The following CNBD2 variants were observed in gnomAD, a reference collection of about 807,000 sequenced individuals.
CNBD2 encodes the protein cyclic nucleotide binding domain containing 2.
CNBD2 carries 64 observed loss-of-function variants against 63.7 expected under a neutral mutation model. The observed-to-expected ratio is 1.00, with a 90% CI of 0.82 to 1.24. CNBD2 has a LOEUF of 1.24. CNBD2 is among the 50% of genes most tolerant of loss of function. The pLI is 0.00. For synonymous variants in CNBD2, 229 were observed against 255.4 expected, an observed-to-expected ratio of 0.90 and a Z score of 0.99; for missense variants, 691 against 713.5, an observed-to-expected ratio of 0.97 and a Z score of 0.36.
At chr20:35,977,561 C>T (rs2056538225) in intron 3 of CNBD2, among the ~76,000 whole-genome samples, 1 of 151,994 alleles carries the variant, frequency 6.6e-6, no homozygotes, top group Non-Finnish European at 1.5e-5. Flanking sequence ...ACCTGTGATC[C>T]CAGAATTTTG....
At chr20:36,019,649 T>C (rs1485889490) in intron 10 of CNBD2, among the ~76,000 whole-genome samples, 1 of 148,124 alleles carries the variant, frequency 6.8e-6, no homozygotes, top group Non-Finnish European at 1.5e-5. Context: ...GTTGGGGGGA[T>C]TGGAAGGGAG....
upstream of CNBD2, among the ~76,000 whole-genome samples, chr20:35,967,568 C>G (rs993179785): frequency 6.8e-6 from 1 of 147,920 alleles, no homozygotes; most frequent in African/African-American, 2.5e-5. Flanking sequence ...AAAAAAAGGC[C>G]CTGGCCAGGA....
chr20:35,959,151 G>A (rs1449509858), downstream of CNBD2: 1 of 152,190 alleles, frequency 6.6e-6, no homozygotes. Flanking sequence ...CACACAGGAT[G>A]GTTCTGAATA....
At chr20:35,963,265 G>A (rs555052410) in intron 2 of CNBD2, among the ~76,000 whole-genome samples, 1 of 151,912 alleles carries the variant, frequency 6.6e-6, no homozygotes, top group East Asian at 1.9e-4. Flanking sequence ...ACCTGAGTCT[G>A]GGAAGGTAGA....
intron 8 of CNBD2, among the ~76,000 whole-genome samples, chr20:36,001,665 T>G (rs1287736017): frequency 4.1e-5 from 6 of 147,808 alleles, no homozygotes; most frequent in Non-Finnish European, 8.9e-5. Context: ...GCGGAGGGTC[T>G]CCTCACTTCT....
chr20:35,986,284 C>T (rs944012608), intron 6 of CNBD2, among the ~76,000 whole-genome samples: 9 of 152,108 alleles, frequency 5.9e-5, no homozygotes, highest in African/African-American at 2.2e-4. Context: ...AGAGAGGTAG[C>T]TTCATCCCCT....
chr20:35,969,479 C>G (rs182650818), intron 1 of CNBD2, among the ~76,000 whole-genome samples: 27 of 152,140 alleles, frequency 1.8e-4, no homozygotes, highest in African/African-American at 5.8e-4. Flanking sequence ...TAACCACTTT[C>G]CTGAAGTTGG....
At chr20:35,975,491 G>A (rs1173656170) in intron 2 of CNBD2, among the ~76,000 whole-genome samples, 7 of 139,384 alleles carry the variant, frequency 5.0e-5, no homozygotes, top group Middle Eastern at 3.3e-3. Flanking sequence ...TAGTAGAGAC[G>A]GGGTTTCACC....
At chr20:36,028,103 G>T (rs923927861) in intron 11 of CNBD2, among the ~76,000 whole-genome samples, 1 of 152,078 alleles carries the variant, frequency 6.6e-6, no homozygotes, top group Non-Finnish European at 1.5e-5. Context: ...CTGATTCCTG[G>T]GTATTACCAA....
rs150010290 is a variant in CNBD2, at chr20:35,995,343, C to T, written c.970+191C>T. 9.8e-3 allele frequency among the ~76,000 whole-genome samples: 1,485 copies of T among 152,008 alleles called. 30 individuals carry two copies. Among genetic ancestry groups the T allele is most frequent in the African/African-American group, 0.034 (1,406 of 41,410 alleles). ...TTCCAGCCTTTTTTTTTTATTGAGCCTTTTCCCTTTTGCTGTTTAGGTTCT... is the reference window on the plus strand; with the variant it reads ...TTCCAGCCTTTTTTTTTTATTGAGCTTTTTCCCTTTTGCTGTTTAGGTTCT... On this transcript the variant is annotated intron_variant, in intron 8 of 11. Transcript: ENST00000373973.
upstream of CNBD2, among the ~76,000 whole-genome samples, chr20:35,963,640 A>AAAATAAAT (rs749658047): frequency 3.9e-5 from 6 of 152,158 alleles, no homozygotes; most frequent in South Asian, 4.1e-4. Flanking sequence ...CTCTGTCTCA[A>AAAATAAAT]AAATAAATAA....
intron 10 of CNBD2, among the ~76,000 whole-genome samples, chr20:36,014,181 T>TAAAAAAAAAAAA (rs2057102693): frequency 4.0e-5 from 3 of 75,026 alleles, no homozygotes; most frequent in East Asian, 4.4e-4. Flanking sequence ...AGACTCCATC[T>TAAAAAAAAAAAA]CAAAAAAAAA....
At chr20:36,015,118 T>G (rs899388467) in intron 10 of CNBD2, among the ~76,000 whole-genome samples, 1 of 152,224 alleles carries the variant, frequency 6.6e-6, no homozygotes, top group Admixed American at 6.5e-5. Context: ...TGATCAATGA[T>G]GTTGAGCATT....
At chr20:36,005,725 C>T (rs762701932) in intron 8 of CNBD2, among the ~76,000 whole-genome samples, 19 of 151,608 alleles carry the variant, frequency 1.3e-4, no homozygotes, top group Non-Finnish European at 2.2e-4. Flanking sequence ...CCGAGGTAGA[C>T]GGATCACGAG....
intron 8 of CNBD2, among the ~76,000 whole-genome samples, chr20:36,000,322 C>T (rs921525136): frequency 1.3e-5 from 2 of 151,986 alleles, no homozygotes; most frequent in East Asian, 3.9e-4. Context: ...TCAGCAAATC[C>T]GTTCATATTT....
At chr20:35,960,784 T>C (rs1384710255) in intron 2 of CNBD2, among the ~76,000 whole-genome samples, 9 of 113,884 alleles carry the variant, frequency 7.9e-5, no homozygotes, top group African/African-American at 3.2e-4. Context: ...TTCTCTTCCA[T>C]TCTCTTCCCT....
At chr20:36,014,493 C>A (rs1408970368) in intron 10 of CNBD2, among the ~76,000 whole-genome samples, 1 of 151,774 alleles carries the variant, frequency 6.6e-6, no homozygotes, top group Non-Finnish European at 1.5e-5. Flanking sequence ...CCATGCCTGA[C>A]TAACTTTTTG....
At position 36,023,745 on chromosome 20, in the gene CNBD2, G is replaced by T; in HGVS notation, c.1413G>T (p.Leu471Phe). 6.2e-7 allele frequency: 1 copy of T among 1,613,018 alleles called. No homozygotes were observed. Among genetic ancestry groups the T allele is most frequent in the East Asian group, 2.2e-5 (1 of 44,800 alleles). ...ATGATGACGAGATGATAAAAAAGTT[G>T]TTAAAGCTCAATATTGCATTCCCCA... is the stretch of plus-strand genomic sequence containing the variant. ...IDNDDEMIKKLLKLNIAFPSD... is the reference protein window; with the variant it reads ...IDNDDEMIKKFLKLNIAFPSD... Residue 471 changes from leucine (L) to phenylalanine (F), a missense_variant, in exon 11 of 12, where the codon TTG (leucine) becomes TTT (phenylalanine). Coordinates refer to ENST00000373973, the MANE Select transcript of CNBD2 (RefSeq NM_001365709.1).
upstream of CNBD2, chr20:35,954,394 C>G: frequency 2.6e-6 from 4 of 1,562,172 alleles, no homozygotes; most frequent in African/African-American, 1.4e-5. Flanking sequence ...GCAGAGCTCG[C>G]GTCACCCTTG....
Sources: gnomAD v4.1 joint callset for allele counts (sites outside exome capture counted in the v4.1 genomes callset) on GRCh38, gnomAD v4.1.1 for gene constraint, MANE v1.5 for transcripts, NCBI Gene and HGNC (gene_info 2026-07-23, HGNC 2026-07-21) for gene names.